Variants in SUPT3H observed in about 807,000 individuals in gnomAD.
SUPT3H encodes the protein transcription initiation protein SPT3 homolog.
In SUPT3H, 44 loss-of-function variants were observed where a neutral mutation model predicts 44.3. That is an observed-to-expected ratio of 0.99 (90% CI 0.78 to 1.28). The LOEUF is 1.28. Among genes scored for constraint, SUPT3H ranks in the 50% most tolerant of loss-of-function variants. SUPT3H has a pLI of 0.00. For missense variants in SUPT3H, 380 were observed against 387.1 expected (o/e 0.98, Z 0.15); for synonymous variants, 124 against 125.6 (o/e 0.99, Z 0.09).
chr6:44,975,401 TA>T (rs1778183483), intron 6 of SUPT3H, among the ~76,000 whole-genome samples: 1 of 152,020 alleles, frequency 6.6e-6, no homozygotes, highest in Non-Finnish European at 1.5e-5. Context: ...TACTCAGCCA[TA>T]AAAAGGAATG....
chr6:45,063,291 C>T (rs1309468771), intron 3 of SUPT3H, among the ~76,000 whole-genome samples: 4 of 148,742 alleles, frequency 2.7e-5, no homozygotes, highest in African/African-American at 1.0e-4. Flanking sequence ...AAAGGACATC[C>T]ACACCGAAAA....
At chr6:45,150,414 T>C (rs964373823) in intron 2 of SUPT3H, among the ~76,000 whole-genome samples, 2 of 152,250 alleles carry the variant, frequency 1.3e-5, no homozygotes, top group Non-Finnish European at 2.9e-5. Flanking sequence ...AGAGCTATCA[T>C]ACGAAATACA....
chr6:45,053,740 C>CAAAAAAAAAAAAAAAAAA (rs57736879), intron 3 of SUPT3H, among the ~76,000 whole-genome samples: 2 of 59,444 alleles, frequency 3.4e-5, no homozygotes. Context: ...ACTAAAAATA[C>CAAAAAAAAAAAAAAAAAA]AAAAAAAAAA....
intron 10 of SUPT3H, among the ~76,000 whole-genome samples, chr6:44,908,297 G>A (rs975740866): frequency 1.3e-5 from 2 of 151,528 alleles, no homozygotes; most frequent in South Asian, 2.1e-4. Flanking sequence ...GACTACAGGC[G>A]CCCACCACCA....
chr6:44,861,374 G>GTTTCCTTTTC (rs1554138554), intron 10 of SUPT3H, among the ~76,000 whole-genome samples: 2 of 150,706 alleles, frequency 1.3e-5, no homozygotes, highest in Admixed American at 1.3e-4. Flanking sequence ...CTCAGCCACA[G>GTTTCCTTTTC]TTTTCTTTTC....
intron 2 of SUPT3H, among the ~76,000 whole-genome samples, chr6:45,336,502 C>T (rs946392801): frequency 6.6e-6 from 1 of 151,352 alleles, no homozygotes; most frequent in African/African-American, 2.4e-5. Flanking sequence ...ACACAAGACA[C>T]ACTAAAATCA....
intron 3 of SUPT3H, among the ~76,000 whole-genome samples, chr6:45,049,087 A>G (rs1434404480): frequency 6.6e-6 from 1 of 152,182 alleles, no homozygotes; most frequent in Admixed American, 6.5e-5. Context: ...TAATTAGCTC[A>G]ATTTAGCCCT....
intron 3 of SUPT3H, among the ~76,000 whole-genome samples, chr6:45,056,617 G>T (rs1249373884): frequency 6.6e-6 from 1 of 152,154 alleles, no homozygotes; most frequent in Non-Finnish European, 1.5e-5. Context: ...ACCAAACATT[G>T]TATGTTTTCA....
rs186300519 is a variant in SUPT3H at position 45,088,344 on chromosome 6, C to T, written c.186+17578G>A. On this transcript the variant is annotated intron_variant, in intron 3 of 10. Transcript: ENST00000371459. Reference sequence around the variant, plus strand: ...ATACTGCATGCTATGAATCTTCGAGCGCTCTTTCTGCCTCTTAGTGTCTTT... The same window carrying T: ...ATACTGCATGCTATGAATCTTCGAGTGCTCTTTCTGCCTCTTAGTGTCTTT... 5.4e-4 allele frequency among the ~76,000 whole-genome samples: 82 copies of T among 152,068 alleles called. 1 individual carries two copies. In the East Asian group the frequency reaches 0.014, roughly 25 times the overall value.
chr6:45,048,997 C>A (rs1007091809), intron 3 of SUPT3H, among the ~76,000 whole-genome samples: 2 of 152,062 alleles, frequency 1.3e-5, no homozygotes, highest in Non-Finnish European at 2.9e-5. Context: ...TAGTTAATAA[C>A]AAATGTATTC....
At chr6:45,323,128 T>C (rs766159001) in intron 2 of SUPT3H, among the ~76,000 whole-genome samples, 1 of 152,140 alleles carries the variant, frequency 6.6e-6, no homozygotes, top group African/African-American at 2.4e-5. Context: ...CAGAGGGGAA[T>C]CCTTCATAAG....
Position 44,894,219 on chromosome 6 carries a change from T to C in SUPT3H, c.912+38434A>G, listed in dbSNP as rs975577423. 5.5e-5 allele frequency among the ~76,000 whole-genome samples: 8 copies of C among 145,356 alleles called. No individual in the cohort carries two copies. In the East Asian group the frequency reaches 6.0e-4, roughly 11 times the overall value. ...TTTCTTTTGCTGTGCAGAAGCTCTT[T>C]AGTTTAATTAGATCCCATTTCTCAA... On this transcript the variant is annotated intron_variant, in intron 10 of 10. Transcript: ENST00000371459.
chr6:45,063,889 G>C (rs1479175701), intron 3 of SUPT3H, among the ~76,000 whole-genome samples: 1 of 126,062 alleles, frequency 7.9e-6, no homozygotes, highest in Non-Finnish European at 1.6e-5. Flanking sequence ...CACTCTGCAG[G>C]ATATTATCCA....
intron 2 of SUPT3H, among the ~76,000 whole-genome samples, chr6:45,145,879 C>T (rs928329218): frequency 2.6e-5 from 4 of 151,786 alleles, no homozygotes; most frequent in Non-Finnish European, 5.9e-5. Context: ...AATTCCCAAA[C>T]GAAGATGTAC....
At chr6:44,913,794 T>C (rs1316919368) in intron 10 of SUPT3H, among the ~76,000 whole-genome samples, 1 of 152,212 alleles carries the variant, frequency 6.6e-6, no homozygotes, top group Non-Finnish European at 1.5e-5. Flanking sequence ...TCAAATTTTG[T>C]TTTCCAAGTG....
At chr6:45,300,735 G>A (rs1782010178) in intron 2 of SUPT3H, among the ~76,000 whole-genome samples, 1 of 152,120 alleles carries the variant, frequency 6.6e-6, no homozygotes, top group Non-Finnish European at 1.5e-5. Context: ...TTAAAATGGT[G>A]AAAACTGTAC....
rs545993869 is a variant in SUPT3H, at chr6:45,175,267, C to T, written c.102-69261G>A. Among the ~76,000 whole-genome samples, 7 of 152,054 alleles carry T rather than the reference C, an allele frequency of 4.6e-5. No individual in the cohort carries two copies. The South Asian group carries it at 1.3e-3, about 27-fold the overall frequency. On this transcript the variant is annotated intron_variant, in intron 2 of 10. Transcript: ENST00000371459. ...TCTCACACTGCTACAAAAAACTGCC[C>T]GAGACTGAGTAATTTACAAAGGAAA...
intron 10 of SUPT3H, among the ~76,000 whole-genome samples, chr6:44,889,457 G>T (rs147735577): frequency 1.3e-5 from 2 of 152,072 alleles, no homozygotes; most frequent in African/African-American, 4.8e-5. Flanking sequence ...AAATAACACC[G>T]CATATCTGCA....
intron 2 of SUPT3H, among the ~76,000 whole-genome samples, chr6:45,253,386 A>G (rs1388920399): frequency 1.3e-5 from 2 of 152,196 alleles, no homozygotes; most frequent in African/African-American, 4.8e-5. Context: ...ATCAAGCACT[A>G]CTGGGCATTT....
Sources: gnomAD v4.1 joint callset for allele counts (sites outside exome capture counted in the v4.1 genomes callset) on GRCh38, gnomAD v4.1.1 for gene constraint, MANE v1.5 for transcripts, NCBI Gene and HGNC (gene_info 2026-07-23, HGNC 2026-07-21) for gene names.